The following SYT9 variants were observed in gnomAD, a reference collection of about 807,000 sequenced individuals.
The protein encoded by SYT9 is synaptotagmin 9, also known as synaptotagmin-9.
Under a neutral mutation model 48.4 loss-of-function variants are expected in SYT9, and 22 were observed. That is an observed-to-expected ratio of 0.45 (90% CI 0.32 to 0.65). SYT9 has a LOEUF of 0.65. Among genes scored for constraint, SYT9 ranks in the 30% least tolerant of loss-of-function variants. The pLI is 0.03. For synonymous variants in SYT9, 265 were observed against 245.0 expected (o/e 1.08, Z -0.76); for missense variants, 577 against 622.0 (o/e 0.93, Z 0.77).
At chr11:7,244,036 C>T (rs1847767545) in intron 1 of SYT9, among the ~76,000 whole-genome samples, 1 of 152,012 alleles carries the variant, frequency 6.6e-6, no homozygotes, top group Admixed American at 6.6e-5. Flanking sequence ...CTCTGCTCTC[C>T]CTTCTGGCCT....
intron 3 of SYT9, among the ~76,000 whole-genome samples, chr11:7,406,541 T>C (rs1361897625): frequency 7.6e-5 from 2 of 26,276 alleles, no homozygotes; most frequent in African/African-American, 2.8e-4. Context: ...TGCGCATATA[T>C]ATATATATAT....
chr11:7,441,265 G>A (rs1564905190), intron 6 of SYT9: 1 of 152,234 alleles, frequency 6.6e-6, no homozygotes, highest in South Asian at 2.1e-4. Context: ...AATATGACAG[G>A]TGGAGAGGTG....
chr11:7,349,774 G>T (rs1196227378), intron 3 of SYT9, among the ~76,000 whole-genome samples: 1 of 152,152 alleles, frequency 6.6e-6, no homozygotes, highest in Admixed American at 6.5e-5. Context: ...TTCATTACTC[G>T]CCTAAGGCCA....
chr11:7,415,384 T>C (rs549264832), intron 3 of SYT9, among the ~76,000 whole-genome samples: 14 of 152,170 alleles, frequency 9.2e-5, no homozygotes, highest in African/African-American at 3.4e-4. Context: ...TCTGCACAGA[T>C]CGTATGCAGC....
intron 1 of SYT9, among the ~76,000 whole-genome samples, chr11:7,266,522 A>G (rs563987376): frequency 1.1e-4 from 17 of 152,232 alleles, no homozygotes; most frequent in Admixed American, 2.0e-4. Context: ...TAATCCCCAC[A>G]GGTTCAGTTA....
chr11:7,292,834 A>C (rs1848717761), intron 1 of SYT9, among the ~76,000 whole-genome samples: 1 of 152,218 alleles, frequency 6.6e-6, no homozygotes, highest in Non-Finnish European at 1.5e-5. Flanking sequence ...AAATATTTTT[A>C]AGTAGATTTT....
At chr11:7,315,185 G>C (rs1268279279) in intron 3 of SYT9, among the ~76,000 whole-genome samples, 1 of 152,212 alleles carries the variant, frequency 6.6e-6, no homozygotes, top group Non-Finnish European at 1.5e-5. Flanking sequence ...AGCAGTTGAT[G>C]AAACCAAGGT....
At chr11:7,336,450 TTCC>T (rs1451008601) in intron 3 of SYT9, among the ~76,000 whole-genome samples, 3 of 152,222 alleles carry the variant, frequency 2.0e-5, no homozygotes, top group Non-Finnish European at 4.4e-5. Context: ...CTAGGTTGTA[TTCC>T]AGGATTTTTA....
chr11:7,313,887 G>A lies in SYT9; in HGVS notation c.990G>A (p.Leu330=). Reference sequence around the variant, plus strand: ...TGGTGGTGGATCACTTCCTAGACTTGGCTGATTTCCCCAGGGAGTGCATCC... The same window carrying A: ...TGGTGGTGGATCACTTCCTAGACTTAGCTGATTTCCCCAGGGAGTGCATCC... ...GQVVVDHFLD[L]ADFPRECILW... The change falls in exon 3 of 7, where the codon TTG becomes TTA. Residue 330 remains leucine (L), a synonymous_variant. Transcript: ENST00000318881. 1 of 1,614,024 alleles carries A rather than the reference G, an allele frequency of 6.2e-7. No homozygotes were observed. The highest frequency in any genetic ancestry group is 8.5e-7 in the Non-Finnish European group (1 of 1,179,970).
intron 3 of SYT9, among the ~76,000 whole-genome samples, chr11:7,319,177 T>TC (rs1849293873): frequency 7.7e-6 from 1 of 130,150 alleles, no homozygotes; most frequent in Admixed American, 9.0e-5. Flanking sequence ...TTTTTTTTTT[T>TC]CTTTTCTTCT....
chr11:7,253,575 AG>A (rs1486946129), intron 1 of SYT9, among the ~76,000 whole-genome samples: 3 of 92,224 alleles, frequency 3.3e-5, no homozygotes, highest in Admixed American at 2.1e-4. Flanking sequence ...TCCCTACCAG[AG>A]GCTTTTTTTT....
At chr11:7,349,221 TAC>T (rs990713031) in intron 3 of SYT9, among the ~76,000 whole-genome samples, 6 of 152,076 alleles carry the variant, frequency 3.9e-5, no homozygotes, top group Non-Finnish European at 7.4e-5. Flanking sequence ...GTTTAATGGA[TAC>T]AGAGTGTCTA....
intron 3 of SYT9, among the ~76,000 whole-genome samples, chr11:7,382,550 A>G (rs183452855): frequency 6.6e-6 from 1 of 152,340 alleles, no homozygotes; most frequent in Admixed American, 6.5e-5. Context: ...TGATCACTAA[A>G]TAAGAAAACA....
chr11:7,394,460 C>G (rs1018520502), intron 3 of SYT9, among the ~76,000 whole-genome samples: 7 of 152,086 alleles, frequency 4.6e-5, no homozygotes, highest in African/African-American at 1.4e-4. Context: ...GTTTTGTAAT[C>G]CTTTGGGTAT....
intron 1 of SYT9, among the ~76,000 whole-genome samples, chr11:7,240,128 A>G (rs1220214287): frequency 6.6e-6 from 1 of 152,106 alleles, no homozygotes; most frequent in African/African-American, 2.4e-5. Context: ...GTGAAAGACA[A>G]AGAAAGAGAG....
At chr11:7,443,535 C>A (rs1325745933) in intron 6 of SYT9, among the ~76,000 whole-genome samples, 1 of 152,220 alleles carries the variant, frequency 6.6e-6, no homozygotes, top group South Asian at 2.1e-4. Flanking sequence ...AGACAAGGCT[C>A]CTGGGAGCCA....
chr11:7,265,640 A>G (rs1848165312), intron 1 of SYT9, among the ~76,000 whole-genome samples: 1 of 151,314 alleles, frequency 6.6e-6, no homozygotes, highest in Admixed American at 6.6e-5. Flanking sequence ...CCCAAACTCG[A>G]AAATGTGTTT....
chr11:7,383,818 T>G (rs1359709608), intron 3 of SYT9, among the ~76,000 whole-genome samples: 1 of 152,216 alleles, frequency 6.6e-6, no homozygotes, highest in Non-Finnish European at 1.5e-5. Context: ...AGACTTGAAT[T>G]CAGCTTCAGT....
At chr11:7,276,615 C>A (rs1848398278) in intron 1 of SYT9, among the ~76,000 whole-genome samples, 1 of 152,200 alleles carries the variant, frequency 6.6e-6, no homozygotes, top group Non-Finnish European at 1.5e-5. Context: ...GTCCCCTCAG[C>A]CTAAAATGAT....
Sources: allele counts gnomAD v4.1 joint callset (sites outside exome capture counted in the v4.1 genomes callset), GRCh38; gene constraint gnomAD v4.1.1; transcripts MANE v1.5; gene names NCBI Gene and HGNC (gene_info 2026-07-23, HGNC 2026-07-21).